The following FHAD1 variants were observed in gnomAD, a reference collection of about 807,000 sequenced individuals.
FHAD1 encodes the protein forkhead associated phosphopeptide binding domain 1.
In FHAD1, 146 loss-of-function variants were observed where a neutral mutation model predicts 191.3. The ratio of observed to expected loss-of-function variants is 0.76; its 90% CI spans 0.67 to 0.88. The LOEUF (loss-of-function observed/expected upper bound fraction) is 0.88. FHAD1 is among the 40% of genes least tolerant of loss of function. The probability of loss-of-function intolerance (pLI) is 0.00; values close to 1 mark genes in which losing one functional copy is unlikely to be tolerated. For synonymous variants in FHAD1, 616 were observed against 672.3 expected (o/e 0.92, Z 1.29); for missense variants, 1,635 against 1,785.8 (o/e 0.92, Z 1.52).
chr1:15,348,926 C>A, intron 18 of FHAD1, 116 bp from the exon 19 acceptor site: 2 of 706,736 alleles, frequency 2.8e-6, no homozygotes, highest in South Asian at 2.0e-5. Flanking sequence ...ATTTAATAGC[C>A]GCCCCAACAC....
At chr1:15,322,386 T>A (rs1201210972) in intron 10 of FHAD1, among the ~76,000 whole-genome samples, 1 of 152,176 alleles carries the variant, frequency 6.6e-6, no homozygotes, top group Non-Finnish European at 1.5e-5. Flanking sequence ...CATTTTATTA[T>A]TTTTTTAATA....
intron 28 of FHAD1, among the ~76,000 whole-genome samples, chr1:15,376,024 TTTTATTTTTA>T (rs1376614731): frequency 3.3e-5 from 5 of 150,472 alleles, no homozygotes; most frequent in Admixed American, 6.6e-5. Context: ...TTATTTTATT[TTTTATTTTTA>T]TTTATTTTTA....
chr1:15,327,258 C>T lies in FHAD1; in HGVS notation c.1557+116C>T. On this transcript the variant is annotated intron_variant, in intron 12 of 33. Coordinates refer to ENST00000688493, the MANE Select transcript of FHAD1 (RefSeq NM_001391957.1). This position sits in a 1 kb window ranked among gnomAD's most constrained non-coding sequence, Gnocchi z 5.1. Reference sequence around the variant, plus strand: ...CTGTTTTTGTTGGTGGCATATTTTTCACACTGTTGCTACACCATAAAGATT... The same window carrying T: ...CTGTTTTTGTTGGTGGCATATTTTTTACACTGTTGCTACACCATAAAGATT... 1 of 656,928 alleles carries T rather than the reference C, an allele frequency of 1.5e-6. No individual in the cohort carries two copies. The highest frequency in any genetic ancestry group is 2.7e-6 in the Non-Finnish European group (1 of 373,328). The allele number at this position is 656,928 out of a possible 1,614,324, so 40.7% of individuals were successfully genotyped here. A position where few individuals can be genotyped will look rare whatever the true frequency, so the allele number is the denominator to read the frequency against.
At chr1:15,283,033 G>A (rs1661138800) in intron 3 of FHAD1, among the ~76,000 whole-genome samples, 2 of 152,240 alleles carry the variant, frequency 1.3e-5, no homozygotes, top group Non-Finnish European at 2.9e-5. Flanking sequence ...CATGGGCAGT[G>A]CGCCCAGAGT....
At chr1:15,263,145 G>A (rs1407143975) in intron 2 of FHAD1, among the ~76,000 whole-genome samples, 1 of 151,920 alleles carries the variant, frequency 6.6e-6, no homozygotes, top group Non-Finnish European at 1.5e-5. Context: ...TTTTTAATAG[G>A]GTTATTTTTG....
chr1:15,362,282 C>T (rs976972460), intron 22 of FHAD1, among the ~76,000 whole-genome samples: 7 of 152,196 alleles, frequency 4.6e-5, no homozygotes, highest in African/African-American at 7.2e-5. Context: ...GAGAGGAAGG[C>T]GCTAAACACA....
At chr1:15,256,290 A>C (rs1200439311) in intron 2 of FHAD1, among the ~76,000 whole-genome samples, 1 of 152,172 alleles carries the variant, frequency 6.6e-6, no homozygotes, top group African/African-American at 2.4e-5. Flanking sequence ...CAGTGGGGTT[A>C]GGTGAGGTCA....
chr1:15,275,676 A>C (rs1196896678), intron 3 of FHAD1, among the ~76,000 whole-genome samples: 2 of 152,186 alleles, frequency 1.3e-5, no homozygotes, highest in African/African-American at 4.8e-5. Context: ...GTGAGCTATA[A>C]AAAAGAAAAA....
At chr1:15,362,611 C>G (rs1279163145) in intron 22 of FHAD1, 31 bp from the exon 23 acceptor site, 2 of 1,524,332 alleles carry the variant, frequency 1.3e-6, no homozygotes, top group Admixed American at 3.9e-5. Flanking sequence ...ACAGTTTCCT[C>G]TCACAATGAT....
Position 15,388,070 on chromosome 1 carries a change from A to G in FHAD1, c.4208A>G (p.Glu1403Gly). 24 of 1,289,884 alleles carry G rather than the reference A, an allele frequency of 1.9e-5. No individual in the cohort carries two copies. The highest frequency in any genetic ancestry group is 2.4e-5 in the Non-Finnish European group (24 of 988,866). 79.9% of individuals were successfully genotyped at this position (1,289,884 alleles called of 1,614,324 possible). ...RQQKESVEEH[E>G]LRNAKESTPC... ...ACTCAGGAAAGTGTAGAGGAGCACG[A>G]ACTGAGAAACGCAAAAGAATCGACA... The change falls in exon 32 of 34, where the codon GAA becomes GGA. Residue 1403 changes from glutamate to glycine, a missense_variant. Transcript: ENST00000688493.
chr1:15,367,393 G>C, intron 24 of FHAD1, 70 bp from the exon 25 acceptor site: 1 of 1,504,772 alleles, frequency 6.6e-7, no homozygotes, highest in Non-Finnish European at 8.9e-7. Flanking sequence ...GTACACAAGA[G>C]GCTGAGGCAG....
intron 26 of FHAD1, among the ~76,000 whole-genome samples, chr1:15,371,825 G>A (rs1019346637): frequency 2.6e-5 from 4 of 152,356 alleles, no homozygotes; most frequent in South Asian, 2.1e-4. Context: ...CGTACTAAGC[G>A]CAGGCAGGGT....
rs1360252921 is a variant in FHAD1, at chr1:15,311,389, A to C, written c.1040-1668A>C. On this transcript the variant is annotated intron_variant, in intron 7 of 33. Transcript: ENST00000688493. The surrounding 1 kb of genome is among the most constrained non-coding windows in gnomAD (Gnocchi z 4.1). The stretch of plus-strand genomic sequence containing the variant: ...CCATCTCGAAGCCCACGTAGGCCTG[A>C]GAGTAGCTCACTTTCCCACCATCCA... Among the ~76,000 whole-genome samples, 1 of 152,154 alleles carries C rather than the reference A, an allele frequency of 6.6e-6. No homozygotes were observed. Among genetic ancestry groups the C allele is most frequent in the Non-Finnish European group, 1.5e-5 (1 of 68,022 alleles).
chr1:15,247,572 A>T (rs1465932504), intron 1 of FHAD1, among the ~76,000 whole-genome samples, 177 bp downstream of exon 1: 1 of 151,946 alleles, frequency 6.6e-6, no homozygotes, highest in African/African-American at 2.4e-5. Context: ...TCCTTTCCAG[A>T]TGCAGGCCCC....
chr1:15,319,746 G>A (rs972028619), intron 10 of FHAD1, among the ~76,000 whole-genome samples: 1 of 152,028 alleles, frequency 6.6e-6, no homozygotes, highest in African/African-American at 2.4e-5. Flanking sequence ...TATTTGATAG[G>A]GTCCAGAAAA....
At chr1:15,291,393 A>C (rs934762726) in intron 4 of FHAD1, among the ~76,000 whole-genome samples, 10 of 151,852 alleles carry the variant, frequency 6.6e-5, no homozygotes, top group African/African-American at 2.2e-4. Flanking sequence ...ATTTTGCTAT[A>C]CTCTTATTGT....
chr1:15,289,581 C>T lies in FHAD1; in HGVS notation c.483C>T (p.Ala161=). 6.4e-7 allele frequency: 1 copy of T among 1,551,798 alleles called. No homozygotes were observed. Among genetic ancestry groups the T allele is most frequent in the Non-Finnish European group, 8.7e-7 (1 of 1,147,022 alleles). ...AFPRPTVVLP[A]SHRRPVSANK... is the part of the protein sequence containing the mutation. Reference sequence around the variant, plus strand: ...CCAGACCCACCGTGGTCCTGCCGGCCTCCCACAGGCGGCCTGTGAGCGCCA... The same window carrying T: ...CCAGACCCACCGTGGTCCTGCCGGCTTCCCACAGGCGGCCTGTGAGCGCCA... The change falls in exon 4 of 34, where the codon GCC becomes GCT. Residue 161 remains alanine, a synonymous_variant. Transcript: ENST00000688493. This position sits in a 1 kb window ranked among gnomAD's most constrained non-coding sequence, Gnocchi z 4.2.
At chr1:15,367,681 G>A (rs543103665) in intron 25 of FHAD1, 59 bp downstream of exon 25, 3 of 1,403,360 alleles carry the variant, frequency 2.1e-6, no homozygotes, top group Non-Finnish European at 2.9e-6. Flanking sequence ...GAGCCGCTGA[G>A]TATTGCAGAG....
intron 6 of FHAD1, among the ~76,000 whole-genome samples, chr1:15,304,292 A>C (rs549233774): frequency 1.2e-3 from 188 of 152,372 alleles, no homozygotes; most frequent in African/African-American, 3.9e-3. Flanking sequence ...CCCAGTGCCC[A>C]TTTTATTACA....
Sources: gnomAD v4.1 joint callset for allele counts (sites outside exome capture counted in the v4.1 genomes callset) on GRCh38, gnomAD v4.1.1 for gene constraint, Gnocchi (gnomAD v3.1) non-coding constraint, MANE v1.5 for transcripts, NCBI Gene and HGNC (gene_info 2026-07-23, HGNC 2026-07-21) for gene names.